The following SOX5 variants were observed in gnomAD, a reference collection of about 807,000 sequenced individuals.
The protein encoded by SOX5 is transcription factor SOX-5.
SOX5 carries 9 observed loss-of-function variants against 92.0 expected under a neutral mutation model. The observed-to-expected ratio is 0.10, with a 90% CI of 0.06 to 0.17. The LOEUF (loss-of-function observed/expected upper bound fraction) is 0.17, where lower values mean the gene tolerates loss of function less well. Among genes scored for constraint, SOX5 ranks in the 10% least tolerant of loss-of-function variants. The pLI is 1.00. For synonymous variants in SOX5, 344 were observed against 336.3 expected, an observed-to-expected ratio of 1.02 and a Z score of -0.25; for missense variants, 642 against 944.5, an observed-to-expected ratio of 0.68 and a Z score of 4.20.
chr12:24,042,301 A>C (rs1221267370), intron 4 of SOX5, among the ~76,000 whole-genome samples: 1 of 152,154 alleles, frequency 6.6e-6, no homozygotes, highest in African/African-American at 2.4e-5. Context: ...GTACCTTTAT[A>C]GTATTATATA....
At chr12:24,112,176 T>C (rs1203757046) in intron 4 of SOX5, among the ~76,000 whole-genome samples, 1 of 152,214 alleles carries the variant, frequency 6.6e-6, no homozygotes, top group Admixed American at 6.5e-5. Flanking sequence ...AAAAACATCA[T>C]TAACGAGAGC....
chr12:24,189,122 T>C (rs756654088), intron 4 of SOX5, among the ~76,000 whole-genome samples: 1 of 152,152 alleles, frequency 6.6e-6, no homozygotes, highest in Non-Finnish European at 1.5e-5. Context: ...TTAGCAATTA[T>C]TAGAAACTTC....
At chr12:23,586,360 A>C (rs1435227939) in intron 9 of SOX5, among the ~76,000 whole-genome samples, 1 of 152,148 alleles carries the variant, frequency 6.6e-6, no homozygotes, top group African/African-American at 2.4e-5. Context: ...GAGACAGAAG[A>C]AATCTATACA....
chr12:23,771,339 C>T (rs1594259363), intron 3 of SOX5, among the ~76,000 whole-genome samples: 1 of 152,122 alleles, frequency 6.6e-6, no homozygotes, highest in South Asian at 2.1e-4. Flanking sequence ...CAGCCTTTCA[C>T]AACAAAAGAC....
intron 8 of SOX5, among the ~76,000 whole-genome samples, chr12:23,640,263 T>C (rs1304654649): frequency 1.3e-5 from 2 of 152,328 alleles, no homozygotes; most frequent in Non-Finnish European, 2.9e-5. Flanking sequence ...GGAATATATA[T>C]TTCGCACGGC....
intron 12 of SOX5, among the ~76,000 whole-genome samples, chr12:23,544,020 C>A (rs1261823956): frequency 6.6e-6 from 1 of 152,164 alleles, no homozygotes; most frequent in African/African-American, 2.4e-5. Context: ...ATATGTAAAA[C>A]TGGTATGGAA....
intron 4 of SOX5, among the ~76,000 whole-genome samples, chr12:24,050,156 T>TA (rs2137112353): frequency 6.6e-6 from 1 of 150,904 alleles, no homozygotes; most frequent in Non-Finnish European, 1.5e-5. Flanking sequence ...ATATGATCAT[T>TA]ACAAACGTCT....
intron 4 of SOX5, among the ~76,000 whole-genome samples, chr12:24,087,542 T>C (rs1414812109): frequency 6.6e-6 from 1 of 152,122 alleles, no homozygotes; most frequent in African/African-American, 2.4e-5. Context: ...AGGATGAGTT[T>C]ATTTTATCTT....
intron 4 of SOX5, among the ~76,000 whole-genome samples, chr12:23,975,851 T>G (rs1229023558): frequency 6.6e-6 from 1 of 152,208 alleles, no homozygotes; most frequent in Non-Finnish European, 1.5e-5. Flanking sequence ...GTGACTTCTA[T>G]TTAACCAGGC....
chr12:24,075,758 G>GT (rs1441952389), intron 4 of SOX5, among the ~76,000 whole-genome samples: 1 of 152,054 alleles, frequency 6.6e-6, no homozygotes, highest in East Asian at 1.9e-4. Context: ...TGTTTTGTTT[G>GT]TTTTTTCAGC....
chr12:24,296,485 C>T (rs1169915926), intron 2 of SOX5, among the ~76,000 whole-genome samples: 1 of 152,196 alleles, frequency 6.6e-6, no homozygotes, highest in Non-Finnish European at 1.5e-5. Context: ...AAATCAGGTC[C>T]TAAGACCAGT....
At chr12:24,446,609 C>T (rs1941513931) in intron 1 of SOX5, among the ~76,000 whole-genome samples, 1 of 152,122 alleles carries the variant, frequency 6.6e-6, no homozygotes, top group African/African-American at 2.4e-5. Flanking sequence ...AAAAATCATT[C>T]TGGCTACTGT....
intron 9 of SOX5, among the ~76,000 whole-genome samples, chr12:23,603,131 G>T (rs2074732334): frequency 6.6e-6 from 1 of 151,908 alleles, no homozygotes; most frequent in Admixed American, 6.6e-5. Context: ...AAGGACTGGG[G>T]AATTCTAGGA....
intron 2 of SOX5, among the ~76,000 whole-genome samples, chr12:23,856,011 G>A (rs557312808): frequency 3.3e-5 from 5 of 152,274 alleles, no homozygotes; most frequent in African/African-American, 1.2e-4. Flanking sequence ...ACATTAGGCA[G>A]TGAGTTGAGA....
chr12:24,250,815 C>G lies in SOX5; in HGVS notation c.-77+26401G>C, dbSNP rs7958215. ...AGGTCTAATAAGTTAAAATTAAACG[C>G]CCTACCTTCCCCATGGGCTTTCCCA... On this transcript the variant is annotated intron_variant, in intron 3 of 4. Coordinates refer to the SOX5 transcript ENST00000446891. 2.2e-3 allele frequency among the ~76,000 whole-genome samples: 340 copies of G among 152,222 alleles called. 2 individuals carry two copies. Among genetic ancestry groups the G allele is most frequent in the African/African-American group, 7.5e-3 (311 of 41,540 alleles).
chr12:24,172,429 C>T (rs1361021735), intron 4 of SOX5, among the ~76,000 whole-genome samples: 1 of 152,096 alleles, frequency 6.6e-6, no homozygotes, highest in African/African-American at 2.4e-5. Flanking sequence ...GTTCCAGCTA[C>T]TCAGGAAGCT....
intron 1 of SOX5, among the ~76,000 whole-genome samples, chr12:23,904,417 C>G (rs1458753647): frequency 6.6e-6 from 1 of 151,950 alleles, no homozygotes; most frequent in East Asian, 1.9e-4. Flanking sequence ...AGTAGAAACA[C>G]AGATTTCAAA....
At chr12:23,664,887 C>T (rs372511652) in intron 7 of SOX5, among the ~76,000 whole-genome samples, 4 of 152,134 alleles carry the variant, frequency 2.6e-5, no homozygotes, top group South Asian at 2.1e-4. Flanking sequence ...CAAAGGAAGC[C>T]GGAGAAAGGG....
intron 2 of SOX5, among the ~76,000 whole-genome samples, chr12:23,850,003 C>T (rs1224983617): frequency 6.6e-6 from 1 of 152,108 alleles, no homozygotes; most frequent in African/African-American, 2.4e-5. Context: ...CTCATGAATG[C>T]ATGTTCAGTA....
Sources: allele counts gnomAD v4.1 joint callset (sites outside exome capture counted in the v4.1 genomes callset), GRCh38; gene constraint gnomAD v4.1.1; transcripts MANE v1.5; gene names NCBI Gene and HGNC (gene_info 2026-07-23, HGNC 2026-07-21).